Variants in SEL1L3 observed in about 807,000 individuals in gnomAD.
The protein encoded by SEL1L3 is protein sel-1 homolog 3.
Under a neutral mutation model 142.8 loss-of-function variants are expected in SEL1L3, and 76 were observed. The observed-to-expected ratio is 0.53, with a 90% confidence interval of 0.44 to 0.64. SEL1L3 has a LOEUF of 0.64. Among genes scored for constraint, SEL1L3 ranks in the 30% least tolerant of loss-of-function variants. The pLI is 0.00. For missense variants in SEL1L3, 1,262 were observed against 1,381.7 expected (o/e 0.91, Z 1.37); for synonymous variants, 504 against 519.6 (o/e 0.97, Z 0.41).
chr4:25,842,309 G>A (rs966985080), intron 2 of SEL1L3, among the ~76,000 whole-genome samples: 4 of 151,600 alleles, frequency 2.6e-5, no homozygotes, highest in African/African-American at 7.3e-5. Context: ...AATTTGAGCA[G>A]GCTGTTGAAA....
chr4:25,846,271 A>T (rs1716503833), intron 2 of SEL1L3, among the ~76,000 whole-genome samples: 1 of 152,164 alleles, frequency 6.6e-6, no homozygotes, highest in African/African-American at 2.4e-5. Context: ...AGGGCCTTGG[A>T]GCCTCCGGGA....
Position 25,765,441 on chromosome 4 carries a change from G to C in SEL1L3, c.2846-6C>G. The stretch of plus-strand genomic sequence containing the variant: ...GTCTCCCATCTTCAAATATGCTGCA[G>C]GAAATAAAGCACAGATCCATTTGTC... On this transcript the variant is annotated splice_polypyrimidine_tract_variant and splice_region_variant and intron_variant, in intron 19 of 23. Transcript: ENST00000399878. The C allele has an allele frequency of 1.3e-6, 2 of 1,570,124 alleles. No homozygotes were observed. Among genetic ancestry groups the C allele is most frequent in the Non-Finnish European group, 1.8e-6 (2 of 1,140,046 alleles).
chr4:25,784,357 T>C (rs1711637438), intron 13 of SEL1L3, 67 bp from the exon 14 acceptor site: 6 of 1,192,636 alleles, frequency 5.0e-6, no homozygotes, highest in South Asian at 5.0e-5. Flanking sequence ...ACAGACACTT[T>C]AGTGTTGGAT....
intron 9 of SEL1L3, among the ~76,000 whole-genome samples, chr4:25,812,535 C>T (rs1714098449): frequency 6.6e-6 from 1 of 152,044 alleles, no homozygotes; most frequent in Admixed American, 6.6e-5. Flanking sequence ...GCCTGGCCAA[C>T]ATGGCGAAAC....
the SEL1L3 span, among the ~76,000 whole-genome samples, chr4:25,731,135 T>A: frequency 1.6e-4 from 24 of 152,210 alleles, no homozygotes; most frequent in Non-Finnish European, 3.5e-4. Context: ...CAAAGGGACA[T>A]TAAAACACAT....
Position 25,819,849 on chromosome 4 carries a change from T to C in SEL1L3, c.1382A>G (p.Tyr461Cys), listed in dbSNP as rs764092947. 12 of 1,613,602 alleles carry C rather than the reference T, an allele frequency of 7.4e-6. No individual in the cohort carries two copies. Among genetic ancestry groups the C allele is most frequent in the East Asian group, 2.2e-5 (1 of 44,870 alleles). Residue 461 changes from tyrosine to cysteine, a missense_variant, in exon 8 of 24, where the codon TAT (tyrosine) becomes TGT (cysteine). Coordinates refer to ENST00000399878, the MANE Select transcript of SEL1L3 (RefSeq NM_015187.5). ...CAEVQEIVSV[Y>C]ASAAKHGGER... ...GCCCCCGTGCTTTGCTGCAGATGCA[T>C]ACACAGATACTATTTCTTGAACCTC...
intron 4 of SEL1L3, 105 bp from the exon 5 acceptor site, chr4:25,833,215 C>T (rs1425383832): frequency 1.8e-5 from 14 of 764,446 alleles, no homozygotes; most frequent in African/African-American, 3.5e-5. Flanking sequence ...CAATACTCCA[C>T]GAAAACAAAG....
At chr4:25,739,119 C>A in the SEL1L3 span, among the ~76,000 whole-genome samples, 2 of 152,020 alleles carry the variant, frequency 1.3e-5, no homozygotes, top group African/African-American at 4.8e-5. Flanking sequence ...TGAGGCAGAA[C>A]CATCACTTGA....
the SEL1L3 span, chr4:25,719,661 A>C: frequency 6.6e-6 from 1 of 152,176 alleles, no homozygotes; most frequent in African/African-American, 2.4e-5. Flanking sequence ...CAGGCTGTGG[A>C]TAACCAGTTG....
chr4:25,754,004 A>C (rs189054995), intron 23 of SEL1L3, among the ~76,000 whole-genome samples: 1,860 of 149,280 alleles, frequency 0.012, 47 homozygotes, highest in African/African-American at 0.044. Context: ...TAAATAAATA[A>C]ATAAATAAAT....
At chr4:25,826,943 C>G (rs138853088) in intron 6 of SEL1L3, among the ~76,000 whole-genome samples, 2,603 of 152,210 alleles carry the variant, frequency 0.017, 78 homozygotes, top group African/African-American at 0.059. Context: ...GGATTACAGG[C>G]GTGAGCCACT....
At chr4:25,809,934 AG>A (rs1336747062) in intron 9 of SEL1L3, among the ~76,000 whole-genome samples, 5 of 152,218 alleles carry the variant, frequency 3.3e-5, no homozygotes, top group Non-Finnish European at 7.3e-5. Context: ...GCAAAAATAA[AG>A]TCAAAAGCAA....
At chr4:25,860,386 T>G (rs1200147836) in intron 1 of SEL1L3, among the ~76,000 whole-genome samples, 3 of 152,226 alleles carry the variant, frequency 2.0e-5, no homozygotes, top group African/African-American at 7.2e-5. Context: ...ATTCCTTGAT[T>G]GAGCAAAATG....
chr4:25,757,456 CCAAAAAAAAA>C, intron 23 of SEL1L3, 68 bp downstream of exon 23: 4 of 526,678 alleles, frequency 7.6e-6, no homozygotes, highest in Non-Finnish European at 1.1e-5. Context: ...TTCCAGTAGA[CCAAAAAAAAA>C]AAAAAAAAAA....
At chr4:25,786,530 T>A (rs908149703) in intron 13 of SEL1L3, among the ~76,000 whole-genome samples, 1 of 152,188 alleles carries the variant, frequency 6.6e-6, no homozygotes, top group African/African-American at 2.4e-5. Flanking sequence ...TAGGCAGAGA[T>A]AATGTCTGAT....
chr4:25,806,110 T>C (rs1193049995), intron 9 of SEL1L3, among the ~76,000 whole-genome samples: 2 of 148,866 alleles, frequency 1.3e-5, no homozygotes, highest in Admixed American at 6.9e-5. Flanking sequence ...GCGATCTCGG[T>C]TCACTGCAAG....
chr4:25,816,154 T>C (rs1577649582), intron 9 of SEL1L3, among the ~76,000 whole-genome samples: 1 of 147,692 alleles, frequency 6.8e-6, no homozygotes, highest in Non-Finnish European at 1.5e-5. Context: ...ACATATATTA[T>C]ATATGTATAT....
intron 2 of SEL1L3, among the ~76,000 whole-genome samples, chr4:25,840,351 A>G (rs1444252114): frequency 6.6e-6 from 1 of 152,226 alleles, no homozygotes; most frequent in African/African-American, 2.4e-5. Flanking sequence ...TACTAAAAGT[A>G]CTATCATGAC....
chr4:25,764,360 T>G (rs778515108), intron 20 of SEL1L3, among the ~76,000 whole-genome samples: 3 of 152,212 alleles, frequency 2.0e-5, no homozygotes, highest in Non-Finnish European at 4.4e-5. Flanking sequence ...ACATGAAGTC[T>G]GAAGTGTAGT....
Sources: allele counts gnomAD v4.1 joint callset (sites outside exome capture counted in the v4.1 genomes callset), GRCh38; gene constraint gnomAD v4.1.1; transcripts MANE v1.5; gene names NCBI Gene and HGNC (gene_info 2026-07-23, HGNC 2026-07-21).